Variants in KCND2 observed in about 807,000 individuals in gnomAD.
The protein encoded by KCND2 is potassium voltage-gated channel subfamily D member 2.
A neutral mutation model predicts 54.4 loss-of-function variants in KCND2; 16 were observed. That is an observed-to-expected ratio of 0.29 (90% CI 0.20 to 0.45). The LOEUF (loss-of-function observed/expected upper bound fraction) is 0.45. Ranked by LOEUF, KCND2 falls within the 20% of genes least tolerant of loss-of-function variation. The pLI, the probability that KCND2 is intolerant of heterozygous loss-of-function variation, is 1.00. For missense variants in KCND2, 486 were observed against 824.2 expected (o/e 0.59, Z 5.02); for synonymous variants, 317 against 310.7 (o/e 1.02, Z -0.21).
intron 1 of KCND2, among the ~76,000 whole-genome samples, chr7:120,328,785 A>C (rs1800019815): frequency 6.6e-6 from 1 of 152,276 alleles, no homozygotes; most frequent in East Asian, 1.9e-4. Context: ...TTAAATGTAC[A>C]TTAGAAATTG....
chr7:120,556,707 A>T (rs895037029), intron 1 of KCND2, among the ~76,000 whole-genome samples: 3 of 152,152 alleles, frequency 2.0e-5, no homozygotes, highest in Non-Finnish European at 4.4e-5. Flanking sequence ...AGTATTTATT[A>T]CACTTTTGCA....
chr7:120,619,721 A>G (rs1412036137), intron 1 of KCND2, among the ~76,000 whole-genome samples: 5 of 152,258 alleles, frequency 3.3e-5, no homozygotes, highest in Admixed American at 2.6e-4. Flanking sequence ...TAAAATTTGT[A>G]ACAATGGCAA....
chr7:120,275,838 CA>C, intron 1 of KCND2, 91 bp downstream of exon 1: 2 of 1,384,630 alleles, frequency 1.4e-6, no homozygotes, highest in Non-Finnish European at 2.0e-6. Flanking sequence ...CCGGGGAAAT[CA>C]TTTGTTTTCT....
intron 1 of KCND2, among the ~76,000 whole-genome samples, chr7:120,635,182 A>G (rs541655692): frequency 6.6e-6 from 1 of 152,350 alleles, no homozygotes; most frequent in African/African-American, 2.4e-5. Context: ...TCACAGCTCT[A>G]GCTCTGGTGC....
chr7:120,496,265 C>A (rs896824778), intron 1 of KCND2, among the ~76,000 whole-genome samples: 3 of 151,792 alleles, frequency 2.0e-5, no homozygotes, highest in African/African-American at 7.3e-5. Context: ...TAGATTGTAA[C>A]CTCTCTCTAT....
chr7:120,559,974 A>T (rs1008758594), intron 1 of KCND2, among the ~76,000 whole-genome samples: 2 of 152,176 alleles, frequency 1.3e-5, no homozygotes, highest in African/African-American at 4.8e-5. Context: ...CGTAAAATAG[A>T]TGATTTCATG....
chr7:120,457,179 G>C (rs1357386113), intron 1 of KCND2, among the ~76,000 whole-genome samples: 2 of 152,122 alleles, frequency 1.3e-5, no homozygotes, highest in African/African-American at 4.8e-5. Flanking sequence ...TTCCTCCTAG[G>C]CCTCTGGGTC....
intron 1 of KCND2, among the ~76,000 whole-genome samples, chr7:120,580,725 A>G (rs1453193259): frequency 6.6e-6 from 1 of 152,150 alleles, no homozygotes; most frequent in African/African-American, 2.4e-5. Flanking sequence ...CTACTTTACT[A>G]TCTTATACTT....
chr7:120,571,978 G>A (rs1792371456), intron 1 of KCND2, among the ~76,000 whole-genome samples: 1 of 152,192 alleles, frequency 6.6e-6, no homozygotes, highest in Non-Finnish European at 1.5e-5. Context: ...AAGCAGACAT[G>A]CCTAGCTTGC....
At chr7:120,566,750 T>A (rs1238524657) in intron 1 of KCND2, among the ~76,000 whole-genome samples, 1 of 36,064 alleles carries the variant, frequency 2.8e-5, no homozygotes, top group Non-Finnish European at 8.2e-5. Flanking sequence ...ATATATATAT[T>A]GTATATATTA....
At chr7:120,494,865 G>A (rs73217256) in intron 1 of KCND2, among the ~76,000 whole-genome samples, 7,322 of 152,162 alleles carry the variant, frequency 0.048, 252 homozygotes, top group Admixed American at 0.09. Context: ...ATATCAAATA[G>A]GACCTAATGG....
At chr7:120,546,515 A>G (rs528737689) in intron 1 of KCND2, among the ~76,000 whole-genome samples, 2 of 151,948 alleles carry the variant, frequency 1.3e-5, no homozygotes, top group Non-Finnish European at 2.9e-5. Flanking sequence ...CATTTAAGTG[A>G]TTTTTCCAAA....
At chr7:120,414,781 A>C (rs1252814936) in intron 1 of KCND2, among the ~76,000 whole-genome samples, 1 of 152,020 alleles carries the variant, frequency 6.6e-6, no homozygotes, top group Non-Finnish European at 1.5e-5. Context: ...TGATTGTTGA[A>C]ATATCCACAT....
At chr7:120,611,380 T>C (rs1313756555) in intron 1 of KCND2, among the ~76,000 whole-genome samples, 2 of 152,314 alleles carry the variant, frequency 1.3e-5, no homozygotes, top group African/African-American at 2.4e-5. Context: ...TTTGCTGCAG[T>C]GTACAGTCTT....
At position 120,741,540 on chromosome 7, in the gene KCND2, A is replaced by G; in HGVS notation, c.1285A>G (p.Arg429Gly). 6.2e-7 allele frequency: 1 copy of G among 1,610,980 alleles called. No homozygotes were observed. Among genetic ancestry groups the G allele is most frequent in the Non-Finnish European group, 8.5e-7 (1 of 1,177,348 alleles). ...TTTATTTTTTCTCCTATAGAAAGCT[A>G]GACTGGCCAGGATCCGGGCAGCCAA... The part of the protein sequence containing the change: ...ADKRRAQKKA[R>G]LARIRAAKSG... The change falls in exon 3 of 6, where the codon AGA (arginine) becomes GGA (glycine). Residue 429 changes from arginine (R) to glycine (G), a missense_variant. Physicochemically the swap from Arg to Gly is moderately radical, Grantham distance 125 (BLOSUM62 -2). Coordinates refer to ENST00000331113, the MANE Select transcript of KCND2 (RefSeq NM_012281.3).
At chr7:120,737,067 C>G (rs1165908260) in intron 2 of KCND2, among the ~76,000 whole-genome samples, 2 of 143,288 alleles carry the variant, frequency 1.4e-5, no homozygotes, top group Non-Finnish European at 3.0e-5. Flanking sequence ...CACACACACA[C>G]ACACACACAA....
chr7:120,626,404 C>T (rs12530902), intron 1 of KCND2, among the ~76,000 whole-genome samples: 11,683 of 151,980 alleles, frequency 0.077, 1,092 homozygotes, highest in East Asian at 0.48. Context: ...TTTGTATTTT[C>T]GAGTATGTAT....
At chr7:120,482,804 CA>C (rs201823405) in intron 1 of KCND2, among the ~76,000 whole-genome samples, 4 of 151,240 alleles carry the variant, frequency 2.6e-5, no homozygotes, top group Non-Finnish European at 4.4e-5. Flanking sequence ...GTTATAGCAG[CA>C]AAAAAAACAG....
chr7:120,376,523 TAATC>T (rs1800837150), intron 1 of KCND2, among the ~76,000 whole-genome samples: 1 of 141,308 alleles, frequency 7.1e-6, no homozygotes, highest in Non-Finnish European at 1.5e-5. Context: ...AAATATTAAA[TAATC>T]TATAAAGTGA....
Sources: allele counts gnomAD v4.1 joint callset (sites outside exome capture counted in the v4.1 genomes callset), GRCh38; gene constraint gnomAD v4.1.1; transcripts MANE v1.5; gene names NCBI Gene and HGNC (gene_info 2026-07-23, HGNC 2026-07-21).